ZFHX3: variants seen among roughly 807,000 people sequenced by gnomAD.
The protein encoded by ZFHX3 is zinc finger homeobox protein 3.
A neutral mutation model predicts 279.1 loss-of-function variants in ZFHX3; 42 were observed. That is an observed-to-expected ratio of 0.15 (90% confidence interval 0.12 to 0.19). The LOEUF is 0.19. Among genes scored for constraint, ZFHX3 ranks in the 10% least tolerant of loss-of-function variants. ZFHX3 has a pLI of 1.00. For synonymous variants in ZFHX3, 2,293 were observed against 1,957.8 expected (o/e 1.17, Z -4.52); for missense variants, 4,981 against 4,754.0 (o/e 1.05, Z -1.40).
intron 5 of ZFHX3, among the ~76,000 whole-genome samples, chr16:73,247,746 G>A (rs561725390): frequency 3.4e-3 from 504 of 148,104 alleles, no homozygotes; most frequent in African/African-American, 0.012. Flanking sequence ...GCCTGTATGC[G>A]GAGTGTATGA....
chr16:73,064,764 T>G (rs1965725586), intron 8 of ZFHX3, among the ~76,000 whole-genome samples: 1 of 152,240 alleles, frequency 6.6e-6, no homozygotes, highest in Non-Finnish European at 1.5e-5. Context: ...TTCCAGGGTT[T>G]GAGTCAGATT....
At chr16:73,170,803 G>C (rs1042525569) in intron 5 of ZFHX3, among the ~76,000 whole-genome samples, 1 of 152,148 alleles carries the variant, frequency 6.6e-6, no homozygotes, top group Non-Finnish European at 1.5e-5. Flanking sequence ...TTTCAGGAAA[G>C]GGTGTTGTCA....
chr16:73,310,281 A>G lies in ZFHX3; in HGVS notation c.-1194+7959T>C, dbSNP rs535564776. 3.9e-5 allele frequency among the ~76,000 whole-genome samples: 6 copies of G among 152,204 alleles called. No homozygotes were observed. In the South Asian group the frequency reaches 6.2e-4, roughly 16 times the overall value. Reference sequence around the variant, plus strand: ...GTGGTGGTGGTGGTGGTGAAATGGGAGCATTCCACCCTGGCAGGAAAGCTA... The same window carrying G: ...GTGGTGGTGGTGGTGGTGAAATGGGGGCATTCCACCCTGGCAGGAAAGCTA... On this transcript the variant is annotated intron_variant, in intron 4 of 17. Coordinates refer to the ZFHX3 transcript ENST00000641206.
chr16:73,752,084 G>A (rs1261679070), intron 1 of ZFHX3, among the ~76,000 whole-genome samples: 1 of 152,126 alleles, frequency 6.6e-6, no homozygotes, highest in Non-Finnish European at 1.5e-5. Context: ...AAAGGAGGAT[G>A]GAGCTGTGGT....
At chr16:73,011,942 T>C (rs1367628099) in intron 1 of ZFHX3, among the ~76,000 whole-genome samples, 1 of 152,188 alleles carries the variant, frequency 6.6e-6, no homozygotes, top group East Asian at 1.9e-4. Flanking sequence ...AGCTGACTTC[T>C]GTCCCCGTCC....
At chr16:72,891,048 A>G (rs1335609300) in intron 3 of ZFHX3, among the ~76,000 whole-genome samples, 3 of 152,130 alleles carry the variant, frequency 2.0e-5, no homozygotes, top group Non-Finnish European at 4.4e-5. Context: ...TCACAAGACA[A>G]CTCCAGTGTT....
chr16:73,503,483 G>A (rs2143669631), intron 2 of ZFHX3, among the ~76,000 whole-genome samples: 1 of 152,286 alleles, frequency 6.6e-6, no homozygotes, highest in African/African-American at 2.4e-5. Flanking sequence ...TGCTCTTGGG[G>A]GTGGTACTCC....
intron 5 of ZFHX3, among the ~76,000 whole-genome samples, chr16:73,184,995 T>TC (rs1454037660): frequency 6.6e-6 from 1 of 151,882 alleles, no homozygotes; most frequent in African/African-American, 2.4e-5. Flanking sequence ...TTTTTTTTTT[T>TC]TTCTGAGACA....
At chr16:73,756,429 G>A (rs116381147) in intron 1 of ZFHX3, among the ~76,000 whole-genome samples, 131 of 152,206 alleles carry the variant, frequency 8.6e-4, no homozygotes, top group African/African-American at 2.9e-3. Context: ...CTTTTGGTCC[G>A]TGCCGGGCCT....
intron 2 of ZFHX3, among the ~76,000 whole-genome samples, chr16:73,651,307 T>G (rs544191925): frequency 5.9e-5 from 9 of 151,658 alleles, no homozygotes; most frequent in African/African-American, 2.2e-4. Flanking sequence ...CTAATCTATT[T>G]TATGGGAGTT....
intron 1 of ZFHX3, among the ~76,000 whole-genome samples, chr16:72,988,982 C>A (rs1010147936): frequency 6.6e-6 from 1 of 151,990 alleles, no homozygotes; most frequent in African/African-American, 2.4e-5. Flanking sequence ...TTGAGACCAG[C>A]CTGGACAACA....
At chr16:72,895,940 A>T (rs1160586299) in intron 3 of ZFHX3, among the ~76,000 whole-genome samples, 1 of 152,264 alleles carries the variant, frequency 6.6e-6, no homozygotes, top group East Asian at 1.9e-4. Flanking sequence ...AAAAGACTGG[A>T]TCATAAGAAC....
intron 4 of ZFHX3, chr16:73,257,237 T>G (rs2013685336): frequency 6.6e-6 from 1 of 152,262 alleles, no homozygotes; most frequent in African/African-American, 2.4e-5. Context: ...CAAGCTGTTC[T>G]AGAGTCAAAC....
chr16:72,870,568 GAGTGGTGGC>G (rs1287715726), intron 4 of ZFHX3, among the ~76,000 whole-genome samples: 8 of 151,762 alleles, frequency 5.3e-5, no homozygotes, highest in Admixed American at 3.9e-4. Flanking sequence ...AATTAGCCGG[GAGTGGTGGC>G]AGTGGTGGCA....
Position 72,793,122 on chromosome 16 carries a change from G to T in ZFHX3, c.9427+133C>A. The T allele has an allele frequency of 6.8e-7, 1 of 1,464,436 alleles. No individual in the cohort carries two copies. The highest frequency in any genetic ancestry group is 9.1e-7 in the Non-Finnish European group (1 of 1,099,114). The allele number at this position is 1,464,436 out of a possible 1,614,324, so 90.7% of individuals were successfully genotyped here. The stretch of plus-strand genomic sequence containing the variant: ...CTCAACAGGAACGAACTGAAGTCTT[G>T]TTGCTTTTAAAGAACTAGAAAGGTA... On this transcript the variant is annotated intron_variant, in intron 9 of 9. Coordinates refer to ENST00000268489, the MANE Select transcript of ZFHX3 (RefSeq NM_006885.4). This position sits in a 1 kb window ranked among gnomAD's most constrained non-coding sequence, Gnocchi z 4.3.
intron 2 of ZFHX3, among the ~76,000 whole-genome samples, chr16:73,596,145 T>C (rs1480459564): frequency 6.6e-6 from 1 of 151,862 alleles, no homozygotes; most frequent in Non-Finnish European, 1.5e-5. Flanking sequence ...CTCGGCCTCC[T>C]GAGTTAGCTG....
chr16:73,326,052 A>T (rs1883828043), intron 3 of ZFHX3, among the ~76,000 whole-genome samples: 1 of 152,128 alleles, frequency 6.6e-6, no homozygotes, highest in South Asian at 2.1e-4. Flanking sequence ...TGGAAGTATC[A>T]TGGAGGTTTG....
chr16:72,904,856 G>C (rs2039132048), intron 3 of ZFHX3, among the ~76,000 whole-genome samples: 1 of 152,114 alleles, frequency 6.6e-6, no homozygotes, highest in Non-Finnish European at 1.5e-5. Context: ...TCTGAGATGG[G>C]AGTCTCACTC....
At chr16:73,355,475 G>A (rs561203254) in intron 3 of ZFHX3, among the ~76,000 whole-genome samples, 2 of 152,184 alleles carry the variant, frequency 1.3e-5, no homozygotes, top group Non-Finnish European at 2.9e-5. Context: ...CAGGTGCCAT[G>A]GAGCTTTTTG....
Sources: gnomAD v4.1 joint callset for allele counts (sites outside exome capture counted in the v4.1 genomes callset) on GRCh38, gnomAD v4.1.1 for gene constraint, Gnocchi (gnomAD v3.1) non-coding constraint, MANE v1.5 for transcripts, NCBI Gene and HGNC (gene_info 2026-07-23, HGNC 2026-07-21) for gene names.